The following SCAPER variants were observed in gnomAD, a reference collection of about 807,000 sequenced individuals.
SCAPER encodes the protein S phase cyclin A-associated protein in the endoplasmic reticulum.
In SCAPER, 98 loss-of-function variants were observed where a neutral mutation model predicts 182.2. That is an observed-to-expected ratio of 0.54 (90% CI 0.46 to 0.64). The LOEUF is 0.64. Ranked by LOEUF, SCAPER falls within the 30% of genes least tolerant of loss-of-function variation. The probability of loss-of-function intolerance (pLI) is 0.00; values close to 1 mark genes in which losing one functional copy is unlikely to be tolerated. For synonymous variants in SCAPER, 605 were observed against 564.6 expected (o/e 1.07, Z -1.01); for missense variants, 1,432 against 1,690.0 (o/e 0.85, Z 2.68).
chr15:76,796,401 C>T (rs1362667863), intron 7 of SCAPER, among the ~76,000 whole-genome samples: 4 of 152,178 alleles, frequency 2.6e-5, no homozygotes, highest in African/African-American at 7.2e-5. Flanking sequence ...TCTTTTTACA[C>T]TCATATTTTA....
chr15:76,796,285 C>A (rs951579637), intron 7 of SCAPER, among the ~76,000 whole-genome samples: 2 of 152,038 alleles, frequency 1.3e-5, no homozygotes, highest in Middle Eastern at 6.3e-3. Context: ...ATATTTTCCC[C>A]AAATTTTTAT....
intron 20 of SCAPER, among the ~76,000 whole-genome samples, chr15:76,670,661 G>A (rs1217747652): frequency 2.6e-5 from 4 of 152,156 alleles, no homozygotes; most frequent in Non-Finnish European, 5.9e-5. Context: ...GCCAGTATGT[G>A]GTGTTCCTGT....
intron 5 of SCAPER, among the ~76,000 whole-genome samples, chr15:76,807,866 G>A (rs2066289102): frequency 6.6e-6 from 1 of 152,000 alleles, no homozygotes; most frequent in East Asian, 1.9e-4. Context: ...TCTTATGTCC[G>A]TTTTTATTGT....
At chr15:76,524,781 A>C (rs888494065) in intron 23 of SCAPER, among the ~76,000 whole-genome samples, 5 of 146,998 alleles carry the variant, frequency 3.4e-5, no homozygotes, top group Non-Finnish European at 7.4e-5. Context: ...AAGAATTGAA[A>C]GTTAATTTTG....
intron 24 of SCAPER, among the ~76,000 whole-genome samples, chr15:76,503,521 A>G (rs1567291897): frequency 6.6e-6 from 1 of 152,238 alleles, no homozygotes; most frequent in Non-Finnish European, 1.5e-5. Context: ...AGCACTGTCT[A>G]AACTCTCACT....
chr15:76,800,301 T>C lies in SCAPER; in HGVS notation c.558A>G (p.Pro186=), dbSNP rs2065676780. Residue 186 remains proline, a synonymous_variant, in exon 7 of 32, where the codon CCA becomes CCG. Coordinates refer to ENST00000563290, the MANE Select transcript of SCAPER (RefSeq NM_020843.4). ...MSPGRHVIPS[P]STDRINVTSN... ...ATGTTACATTTATTCTATCTGTTGA[T>C]GGACTTGGAATCACATGGCGTCCCG... The C allele has an allele frequency of 6.2e-7, 1 of 1,613,648 alleles. No individual in the cohort carries two copies. The highest frequency in any genetic ancestry group is 8.5e-7 in the Non-Finnish European group (1 of 1,179,760).
chr15:76,711,956 T>C (rs902016206), intron 17 of SCAPER, among the ~76,000 whole-genome samples: 1 of 152,220 alleles, frequency 6.6e-6, no homozygotes, highest in Non-Finnish European at 1.5e-5. Context: ...ATCCCATTTG[T>C]CAATTTTGGC....
At chr15:76,730,723 T>C (rs1278591912) in intron 16 of SCAPER, among the ~76,000 whole-genome samples, 2 of 152,174 alleles carry the variant, frequency 1.3e-5, no homozygotes, top group Non-Finnish European at 2.9e-5. Context: ...TTTCATTTCA[T>C]ATTTTATTAA....
At chr15:76,475,624 T>G (rs773887887) in intron 24 of SCAPER, among the ~76,000 whole-genome samples, 1 of 152,184 alleles carries the variant, frequency 6.6e-6, no homozygotes, top group African/African-American at 2.4e-5. Flanking sequence ...GCTTTTAATT[T>G]TTAGGAAGAG....
At chr15:76,410,753 C>T (rs954085567) in intron 26 of SCAPER, among the ~76,000 whole-genome samples, 1 of 151,506 alleles carries the variant, frequency 6.6e-6, no homozygotes, top group Non-Finnish European at 1.5e-5. Context: ...TAATGAATGT[C>T]TTCCTTCAGT....
chr15:76,700,038 G>T (rs1420153680), intron 20 of SCAPER, among the ~76,000 whole-genome samples: 2 of 152,204 alleles, frequency 1.3e-5, no homozygotes, highest in African/African-American at 4.8e-5. Context: ...GTCTCCTGGG[G>T]TAGGAGCTAC....
At chr15:76,642,729 T>A (rs2054199997) in intron 21 of SCAPER, among the ~76,000 whole-genome samples, 1 of 152,216 alleles carries the variant, frequency 6.6e-6, no homozygotes, top group African/African-American at 2.4e-5. Flanking sequence ...AGATTCCTTA[T>A]TTTGACCCTA....
intron 29 of SCAPER, among the ~76,000 whole-genome samples, chr15:76,369,997 T>C (rs1392757611): frequency 6.6e-6 from 1 of 152,102 alleles, no homozygotes; most frequent in African/African-American, 2.4e-5. Flanking sequence ...CCTCTACTAA[T>C]AGTGAGGAGC....
At chr15:76,434,370 A>G in intron 25 of SCAPER, 60 bp from the exon 26 acceptor site, 1 of 1,129,412 alleles carries the variant, frequency 8.9e-7, no homozygotes, top group African/African-American at 1.6e-5. Context: ...ATGGGCAGAG[A>G]CAGTTTAGAA....
At chr15:76,510,295 C>T (rs893054815) in intron 23 of SCAPER, among the ~76,000 whole-genome samples, 14 of 152,126 alleles carry the variant, frequency 9.2e-5, no homozygotes, top group Non-Finnish European at 1.9e-4. Context: ...AGACAACTCA[C>T]AGAGTGGGAG....
chr15:76,438,281 A>AAG (rs1746900773), intron 25 of SCAPER, among the ~76,000 whole-genome samples: 1 of 120,602 alleles, frequency 8.3e-6, no homozygotes, highest in African/African-American at 3.8e-5. Flanking sequence ...GACTGTCTCA[A>AAG]AAAAAAAAAA....
At chr15:76,852,299 G>T (rs3110383) in intron 4 of SCAPER, among the ~76,000 whole-genome samples, 1 of 152,160 alleles carries the variant, frequency 6.6e-6, no homozygotes, top group Non-Finnish European at 1.5e-5. Flanking sequence ...AAATTAACAA[G>T]GATATTCAGG....
chr15:76,857,627 A>G (rs1032929021), intron 4 of SCAPER, among the ~76,000 whole-genome samples, 182 bp downstream of exon 4: 2 of 152,168 alleles, frequency 1.3e-5, no homozygotes, highest in African/African-American at 4.8e-5. Context: ...TAATATCTGT[A>G]AAGTATTTAG....
intron 25 of SCAPER, among the ~76,000 whole-genome samples, chr15:76,444,555 G>A (rs539522003): frequency 2.2e-4 from 33 of 152,234 alleles, no homozygotes; most frequent in African/African-American, 7.9e-4. Flanking sequence ...TAGGGCTTAA[G>A]TCCAACAATT....
Sources: gnomAD v4.1 joint callset for allele counts (sites outside exome capture counted in the v4.1 genomes callset) on GRCh38, gnomAD v4.1.1 for gene constraint, MANE v1.5 for transcripts, NCBI Gene and HGNC (gene_info 2026-07-23, HGNC 2026-07-21) for gene names.